The following PPP2R3A variants were observed in gnomAD, a reference collection of about 807,000 sequenced individuals.
PPP2R3A encodes the protein serine/threonine-protein phosphatase 2A regulatory subunit B'' subunit alpha.
PPP2R3A carries 80 observed loss-of-function variants against 106.9 expected under a neutral mutation model. The observed-to-expected ratio is 0.75, with a 90% CI of 0.62 to 0.90. PPP2R3A has a LOEUF of 0.90. Ranked by LOEUF, PPP2R3A falls within the 40% of genes least tolerant of loss-of-function variation. PPP2R3A has a pLI of 0.00. For synonymous variants in PPP2R3A, 483 were observed against 468.3 expected (o/e 1.03, Z -0.41); for missense variants, 1,386 against 1,350.4 (o/e 1.03, Z -0.41).
At chr3:136,095,163 C>T (rs940038896) in intron 10 of PPP2R3A, among the ~76,000 whole-genome samples, 11 of 152,086 alleles carry the variant, frequency 7.2e-5, no homozygotes, top group African/African-American at 2.2e-4. Context: ...GGGAGGTCCC[C>T]TCAGTTTCCT....
In PPP2R3A at chr3:136,100,541, T is replaced by C. The variant is rs1175912035; in HGVS notation, c.2928-1466T>C. ...AAAAAAAAAAAAAATTAGTTGAGCA[T>C]GGCGGCAGGCACCTGTCATCCCAGC... On this transcript the variant is annotated intron_variant, in intron 10 of 13. Transcript: ENST00000264977. Among the ~76,000 whole-genome samples the C allele has an allele frequency of 2.0e-5, 3 of 150,058 alleles. No homozygotes were observed. The East Asian group carries it at 5.9e-4, about 29-fold the overall frequency.
chr3:136,054,737 C>T (rs1408219522), intron 5 of PPP2R3A, among the ~76,000 whole-genome samples: 1 of 152,148 alleles, frequency 6.6e-6, no homozygotes, highest in African/African-American at 2.4e-5. Context: ...TTATTTTCTA[C>T]CTTTGTAAAA....
chr3:136,044,486 G>A (rs900235873), intron 4 of PPP2R3A, among the ~76,000 whole-genome samples: 3 of 148,842 alleles, frequency 2.0e-5, no homozygotes, highest in Non-Finnish European at 4.4e-5. Flanking sequence ...TGGGAGGATC[G>A]CTTGAGCCTA....
intron 10 of PPP2R3A, among the ~76,000 whole-genome samples, chr3:136,092,173 GT>G (rs1174221147): frequency 6.6e-6 from 1 of 152,012 alleles, no homozygotes; most frequent in Non-Finnish European, 1.5e-5. Context: ...TACTAAAAAT[GT>G]AAAAAATTAG....
chr3:136,015,696 C>T (rs762493237), intron 2 of PPP2R3A, among the ~76,000 whole-genome samples: 15 of 151,318 alleles, frequency 9.9e-5, no homozygotes, highest in Non-Finnish European at 1.9e-4. Context: ...TTATTTGGAT[C>T]GTCTCTCTTC....
At chr3:136,016,760 T>C (rs1202165508) in intron 2 of PPP2R3A, among the ~76,000 whole-genome samples, 2 of 152,302 alleles carry the variant, frequency 1.3e-5, no homozygotes, top group East Asian at 3.9e-4. Flanking sequence ...TAAATTCTTA[T>C]CCATTCTACC....
At chr3:136,030,077 G>A (rs1576446746) in intron 3 of PPP2R3A, among the ~76,000 whole-genome samples, 1 of 152,088 alleles carries the variant, frequency 6.6e-6, no homozygotes, top group Admixed American at 6.5e-5. Flanking sequence ...AATTGCCTGG[G>A]TGTAGTGACA....
intron 9 of PPP2R3A, among the ~76,000 whole-genome samples, chr3:136,090,040 T>C (rs1937056408): frequency 6.6e-6 from 1 of 152,184 alleles, no homozygotes; most frequent in Admixed American, 6.5e-5. Context: ...TATAGAATCA[T>C]GTTGTCAGCA....
intron 13 of PPP2R3A, among the ~76,000 whole-genome samples, chr3:136,108,746 A>C (rs548149429): frequency 6.6e-6 from 1 of 152,138 alleles, no homozygotes; most frequent in African/African-American, 2.4e-5. Flanking sequence ...ACAACTGGTA[A>C]ATAAATAAAT....
chr3:136,069,138 T>C (rs781325985), intron 5 of PPP2R3A, among the ~76,000 whole-genome samples: 1 of 152,200 alleles, frequency 6.6e-6, no homozygotes, highest in Non-Finnish European at 1.5e-5. Context: ...CTAGTGAGAT[T>C]TGAGTAGTTT....
At chr3:135,979,423 C>G (rs77490582) in intron 1 of PPP2R3A, among the ~76,000 whole-genome samples, 2,434 of 151,698 alleles carry the variant, frequency 0.016, 40 homozygotes, top group Non-Finnish European at 0.025. Context: ...AAACATTGAT[C>G]TGCATTAAAG....
chr3:136,065,992 A>C (rs1447710660), intron 5 of PPP2R3A, among the ~76,000 whole-genome samples: 1 of 152,236 alleles, frequency 6.6e-6, no homozygotes, highest in East Asian at 1.9e-4. Flanking sequence ...TTTTAAAATC[A>C]GAAAAGGCTA....
chr3:136,140,871 T>C (rs1938843090), intron 13 of PPP2R3A, among the ~76,000 whole-genome samples: 2 of 152,260 alleles, frequency 1.3e-5, no homozygotes, highest in East Asian at 3.9e-4. Flanking sequence ...GATCACGCCG[T>C]TGCCCTCCTG....
At chr3:135,966,528 C>G (rs1160457576) in intron 1 of PPP2R3A, among the ~76,000 whole-genome samples, 1 of 152,200 alleles carries the variant, frequency 6.6e-6, no homozygotes, top group Non-Finnish European at 1.5e-5. Context: ...GAGGGGCGTT[C>G]TCCTGGGGGA....
chr3:135,996,031 A>G (rs1393934974), intron 1 of PPP2R3A, among the ~76,000 whole-genome samples: 6 of 152,120 alleles, frequency 3.9e-5, no homozygotes, highest in Non-Finnish European at 7.4e-5. Context: ...TTTTTTTACA[A>G]TGGTGTTTTC....
At chr3:136,084,216 T>C (rs1197752460) in intron 8 of PPP2R3A, among the ~76,000 whole-genome samples, 1 of 152,230 alleles carries the variant, frequency 6.6e-6, no homozygotes, top group Non-Finnish European at 1.5e-5. Flanking sequence ...CCCTGCTCTA[T>C]GCAGCCTCTG....
intron 7 of PPP2R3A, among the ~76,000 whole-genome samples, chr3:136,080,222 C>A (rs1441608505): frequency 2.0e-5 from 3 of 152,096 alleles, no homozygotes; most frequent in Admixed American, 6.6e-5. Context: ...CTCATTCTTT[C>A]AACTACTGCA....
intron 2 of PPP2R3A, chr3:136,023,015 G>T: frequency 6.3e-7 from 1 of 1,595,818 alleles, no homozygotes; most frequent in South Asian, 1.1e-5. Flanking sequence ...TGCTAAATCT[G>T]ATTATCTTCA....
chr3:136,030,776 ATATATGTATGTATG>A (rs750869239), intron 3 of PPP2R3A, among the ~76,000 whole-genome samples: 146 of 124,452 alleles, frequency 1.2e-3, no homozygotes, highest in African/African-American at 3.3e-3. Flanking sequence ...ATATATATAT[ATATATGTATGTATG>A]TATGTATGTA....
Sources: allele counts gnomAD v4.1 joint callset (sites outside exome capture counted in the v4.1 genomes callset), GRCh38; gene constraint gnomAD v4.1.1; transcripts MANE v1.5; gene names NCBI Gene and HGNC (gene_info 2026-07-23, HGNC 2026-07-21).